Variants in SRPK2 observed in about 807,000 individuals in gnomAD.
SRPK2 encodes the protein SRSF protein kinase 2, also known as SFRS protein kinase 2.
Under a neutral mutation model 90.8 loss-of-function variants are expected in SRPK2, and 21 were observed. That is an observed-to-expected ratio of 0.23 (90% confidence interval 0.16 to 0.33). SRPK2 has a LOEUF of 0.33. Ranked by LOEUF, SRPK2 falls within the 10% of genes least tolerant of loss-of-function variation. The probability of loss-of-function intolerance (pLI) is 1.00; values close to 1 mark genes in which losing one functional copy is unlikely to be tolerated. For missense variants in SRPK2, 620 were observed against 869.0 expected, an observed-to-expected ratio of 0.71 and a Z score of 3.60; for synonymous variants, 288 against 311.1, an observed-to-expected ratio of 0.93 and a Z score of 0.78.
At chr7:105,261,417 AG>A (rs1307068305) in intron 2 of SRPK2, among the ~76,000 whole-genome samples, 1 of 152,026 alleles carries the variant, frequency 6.6e-6, no homozygotes, top group Non-Finnish European at 1.5e-5. Flanking sequence ...GCTACTCAGG[AG>A]GCTGAGGCAG....
At chr7:105,367,873 T>A (rs1211201830) in intron 2 of SRPK2, among the ~76,000 whole-genome samples, 1 of 152,156 alleles carries the variant, frequency 6.6e-6, no homozygotes, top group African/African-American at 2.4e-5. Flanking sequence ...ATAGTTCAAG[T>A]TTTTTCAAAC....
At chr7:105,233,957 ATAAAC>A (rs1209106696) in intron 2 of SRPK2, among the ~76,000 whole-genome samples, 1 of 152,206 alleles carries the variant, frequency 6.6e-6, no homozygotes, top group Non-Finnish European at 1.5e-5. Context: ...TGTTCATTCT[ATAAAC>A]TAACAGATCC....
At chr7:105,233,082 AGGAAGGAAAGAAGGAAGGAAGGAAGGAAG>A (rs1563119993) in intron 2 of SRPK2, among the ~76,000 whole-genome samples, 1 of 123,030 alleles carries the variant, frequency 8.1e-6, no homozygotes, top group East Asian at 2.3e-4. Context: ...AAGGAAGGAA[AGGAAGGAAAGAAGGAAGGAAGGAAGGAAG>A]GAAGGAAGGA....
chr7:105,329,897 T>C (rs1814078368), intron 2 of SRPK2, among the ~76,000 whole-genome samples: 1 of 150,538 alleles, frequency 6.6e-6, no homozygotes, highest in South Asian at 2.1e-4. Context: ...TAGCCGGGTG[T>C]GGCGGCACAC....
intron 14 of SRPK2, 55 bp from the exon 15 acceptor site, chr7:105,126,395 G>A: frequency 3.8e-6 from 5 of 1,305,076 alleles, no homozygotes; most frequent in Non-Finnish European, 5.5e-6. Flanking sequence ...GGGAAGGATG[G>A]GATAAAAGAA....
At chr7:105,302,045 G>T in intron 2 of SRPK2, 2 of 1,564,548 alleles carry the variant, frequency 1.3e-6, no homozygotes, top group Non-Finnish European at 1.8e-6. Flanking sequence ...GGTTGATGTT[G>T]TGAAGCATTT....
chr7:105,207,753 T>C (rs1796387117), intron 2 of SRPK2, among the ~76,000 whole-genome samples: 1 of 152,210 alleles, frequency 6.6e-6, no homozygotes, highest in African/African-American at 2.4e-5. Context: ...AGGCAATGTT[T>C]CTTAAATGTG....
At chr7:105,389,144 C>A, upstream of SRPK2, 1 of 1,010,814 alleles carries the variant, frequency 9.9e-7, no homozygotes, top group Non-Finnish European at 1.2e-6. Context: ...GCCCGGGCCT[C>A]CGCCTCCTGC....
chr7:105,183,237 AT>A (rs1244984106), intron 3 of SRPK2, among the ~76,000 whole-genome samples: 1 of 152,138 alleles, frequency 6.6e-6, no homozygotes, highest in African/African-American at 2.4e-5. Context: ...CAATATACTG[AT>A]ACTGATTTTT....
intron 2 of SRPK2, among the ~76,000 whole-genome samples, chr7:105,227,234 T>C (rs1459232234): frequency 2.0e-5 from 3 of 152,184 alleles, no homozygotes; most frequent in Non-Finnish European, 2.9e-5. Context: ...AGTATATGGT[T>C]ACATGAGTAA....
intron 1 of SRPK2, among the ~76,000 whole-genome samples, chr7:105,394,431 C>A (rs567152617): frequency 6.6e-6 from 1 of 151,616 alleles, no homozygotes; most frequent in Non-Finnish European, 1.5e-5. Context: ...GTGAGCCACG[C>A]GCCCAGCCAA....
At chr7:105,305,893 G>A (rs963400726) in intron 2 of SRPK2, among the ~76,000 whole-genome samples, 1 of 152,212 alleles carries the variant, frequency 6.6e-6, no homozygotes, top group African/African-American at 2.4e-5. Context: ...TGGACTTTGA[G>A]GGAGGTACAA....
At chr7:105,130,896 TG>T (rs1801906816) in intron 13 of SRPK2, among the ~76,000 whole-genome samples, 1 of 152,068 alleles carries the variant, frequency 6.6e-6, no homozygotes, top group South Asian at 2.1e-4. Flanking sequence ...GCTTAATTCT[TG>T]GGAAGGGGGC....
rs754871035 is a variant in SRPK2, at chr7:105,126,387, G to C, written c.1823-47C>G. On this transcript the variant is annotated intron_variant, in intron 14 of 15. Transcript: ENST00000393651. Reference sequence around the variant, plus strand: ...GATATGGGAATGGGAGGGGCAAAGGGAAGGATGGGATAAAAGAAGAGGGAA... The same window carrying C: ...GATATGGGAATGGGAGGGGCAAAGGCAAGGATGGGATAAAAGAAGAGGGAA... 2.9e-6 allele frequency: 4 copies of C among 1,360,036 alleles called. No homozygotes were observed. In the Admixed American group the frequency reaches 7.6e-5, roughly 26 times the overall value. 84.2% of individuals were successfully genotyped at this position (1,360,036 alleles called of 1,614,324 possible).
At chr7:105,247,089 G>A (rs1256766411) in intron 2 of SRPK2, among the ~76,000 whole-genome samples, 3 of 152,146 alleles carry the variant, frequency 2.0e-5, no homozygotes, top group Non-Finnish European at 4.4e-5. Flanking sequence ...GGTACCATGT[G>A]ACCTAGAAAT....
At chr7:105,333,228 A>C (rs1292998603) in intron 2 of SRPK2, among the ~76,000 whole-genome samples, 1 of 152,136 alleles carries the variant, frequency 6.6e-6, no homozygotes, top group Non-Finnish European at 1.5e-5. Flanking sequence ...AAACAACCAA[A>C]AAGCCTAAAA....
intron 2 of SRPK2, among the ~76,000 whole-genome samples, chr7:105,302,619 T>C (rs1339792132): frequency 6.6e-6 from 1 of 152,154 alleles, no homozygotes; most frequent in Non-Finnish European, 1.5e-5. Flanking sequence ...TTTTTCTAGT[T>C]TCTTTTAATT....
At chr7:105,266,609 C>CT (rs1300029508) in intron 2 of SRPK2, among the ~76,000 whole-genome samples, 4 of 151,998 alleles carry the variant, frequency 2.6e-5, no homozygotes, top group Admixed American at 2.6e-4. Context: ...CCAAATATCT[C>CT]TAAGATTTAG....
At chr7:105,261,540 A>G (rs1804295582) in intron 2 of SRPK2, among the ~76,000 whole-genome samples, 1 of 152,018 alleles carries the variant, frequency 6.6e-6, no homozygotes, top group Non-Finnish European at 1.5e-5. Flanking sequence ...AAAAAAAAAG[A>G]AAGAAAAAAG....
Sources: gnomAD v4.1 joint callset for allele counts (sites outside exome capture counted in the v4.1 genomes callset) on GRCh38, gnomAD v4.1.1 for gene constraint, MANE v1.5 for transcripts, NCBI Gene and HGNC (gene_info 2026-07-23, HGNC 2026-07-21) for gene names.